Variants in VPS13C observed in about 807,000 individuals in gnomAD.
VPS13C encodes vacuolar protein sorting 13 homolog C, also known as intermembrane lipid transfer protein VPS13C.
Under a neutral mutation model 456.8 loss-of-function variants are expected in VPS13C, and 358 were observed. That is an observed-to-expected ratio of 0.78 (90% confidence interval 0.72 to 0.86). The LOEUF (loss-of-function observed/expected upper bound fraction) is 0.86, where lower values mean the gene tolerates loss of function less well. Among genes scored for constraint, VPS13C ranks in the 40% least tolerant of loss-of-function variants. The pLI is 0.00. For synonymous variants in VPS13C, 1,578 were observed against 1,486.7 expected (o/e 1.06, Z -1.41); for missense variants, 4,818 against 4,385.4 (o/e 1.10, Z -2.79).
chr15:61,932,337 T>C (rs933924460), intron 49 of VPS13C, among the ~76,000 whole-genome samples: 1 of 152,026 alleles, frequency 6.6e-6, no homozygotes, highest in African/African-American at 2.4e-5. Flanking sequence ...GGACATAGGA[T>C]ACAGGGTGAT....
chr15:61,973,269 G>A (rs1327683696), intron 26 of VPS13C, among the ~76,000 whole-genome samples, 185 bp downstream of exon 26: 1 of 152,024 alleles, frequency 6.6e-6, no homozygotes, highest in Non-Finnish European at 1.5e-5. Context: ...TTTGTCCAAC[G>A]AAGACAGAAA....
chr15:62,020,274 T>A (rs753359648), intron 9 of VPS13C, among the ~76,000 whole-genome samples: 1 of 151,978 alleles, frequency 6.6e-6, no homozygotes, highest in Non-Finnish European at 1.5e-5. Context: ...TTTTGATACC[T>A]GTTACACAGA....
intron 15 of VPS13C, among the ~76,000 whole-genome samples, chr15:62,004,112 T>C (rs892541332): frequency 6.6e-6 from 1 of 151,946 alleles, no homozygotes; most frequent in Non-Finnish European, 1.5e-5. Context: ...CTCCTCCTTG[T>C]ACCTCTGGTA....
intron 81 of VPS13C, chr15:61,866,561 C>T: frequency 1.0e-6 from 1 of 985,054 alleles, no homozygotes; most frequent in African/African-American, 1.7e-5. Context: ...TGATTTAAGT[C>T]AGCATCTTGA....
chr15:62,000,515 C>T (rs375669379), intron 16 of VPS13C, 49 bp downstream of exon 16: 61 of 1,511,500 alleles, frequency 4.0e-5, no homozygotes, highest in East Asian at 2.3e-4. Flanking sequence ...GGTTTAAAAG[C>T]GGGCATTAAC....
At chr15:61,951,047 T>C (rs1208680131) in intron 39 of VPS13C, 23 bp from the exon 40 acceptor site, 2 of 1,456,426 alleles carry the variant, frequency 1.4e-6, no homozygotes, top group Non-Finnish European at 1.9e-6. Flanking sequence ...AAAGACAAAG[T>C]TGATCCATCA....
Position 61,978,733 on chromosome 15 carries a change from T to G in VPS13C, c.2183A>C (p.Gln728Pro). 1 of 1,603,204 alleles carries G rather than the reference T, an allele frequency of 6.2e-7. No individual in the cohort carries two copies. The highest frequency in any genetic ancestry group is 8.5e-7 in the Non-Finnish European group (1 of 1,176,430). ...FGTFQLNSKD[Q>P]GLQKTTNSSL... Reference sequence around the variant, plus strand: ...TGAATTAGTAGTCTTCTGTAAACCTTGATCTTTACTGTTGAGCTAAAATGA... The same window carrying G: ...TGAATTAGTAGTCTTCTGTAAACCTGGATCTTTACTGTTGAGCTAAAATGA... Residue 728 changes from glutamine to proline, a missense_variant, in exon 23 of 85, where the codon CAA (glutamine) becomes CCA (proline). Gln to Pro is a moderately conservative substitution (Grantham distance 76). Coordinates refer to ENST00000644861, the MANE Select transcript of VPS13C (RefSeq NM_020821.3).
In VPS13C at chr15:61,927,096, T is replaced by G. The variant is rs1163789802; in HGVS notation, c.6511A>C (p.Thr2171Pro). 1 of 1,613,696 alleles carries G rather than the reference T, an allele frequency of 6.2e-7. No individual in the cohort carries two copies. The highest frequency in any genetic ancestry group is 2.2e-5 in the East Asian group (1 of 44,900). ...FLREKRGKNITTVLQPCSLFM... is the reference protein window; with the variant it reads ...FLREKRGKNIPTVLQPCSLFM... ...GGACACAAGGTAATTCTTACTGTGG[T>G]AATGTTTTTCCCTCTCTTTTCTCTG... The change falls in exon 52 of 85, where the codon ACC becomes CCC. Residue 2171 changes from threonine (T) to proline (P), a missense_variant. Transcript: ENST00000644861.
At chr15:61,857,413 G>T (rs914112403) in intron 82 of VPS13C, among the ~76,000 whole-genome samples, 2 of 152,012 alleles carry the variant, frequency 1.3e-5, no homozygotes, top group African/African-American at 4.8e-5. Flanking sequence ...GACAAAAGGA[G>T]GAACACACTG....
intron 65 of VPS13C, 87 bp from the exon 66 acceptor site, chr15:61,907,477 A>G: frequency 6.7e-7 from 1 of 1,493,766 alleles, no homozygotes; most frequent in Non-Finnish European, 9.0e-7. Context: ...GGATTAGCAC[A>G]GAAGTCCTAC....
chr15:61,934,225 G>A lies in VPS13C; in HGVS notation c.5862C>T (p.Ile1954=). 1 of 1,564,972 alleles carries A rather than the reference G, an allele frequency of 6.4e-7. No individual in the cohort carries two copies. Among genetic ancestry groups the A allele is most frequent in the East Asian group, 2.3e-5 (1 of 43,442 alleles). Reference sequence around the variant, plus strand: ...ACAGAAATGTATTACATACCTGGTTGATATCATTGTTATAAAGGATAATGG... The same window carrying A: ...ACAGAAATGTATTACATACCTGGTTAATATCATTGTTATAAAGGATAATGG... ...SLSIILYNND[I]NQESGVAFHN... Residue 1954 remains isoleucine, a synonymous_variant, in exon 49 of 85, where the codon ATC becomes ATT. Transcript: ENST00000644861.
At position 61,915,949 on chromosome 15, in the gene VPS13C, A is replaced by T; in HGVS notation, c.8129T>A (p.Ile2710Lys). 6.2e-7 allele frequency: 1 copy of T among 1,613,826 alleles called. No individual in the cohort carries two copies. ...GTATTTCACCAGGACTAATTCCATT[A>T]TTTCACCACTGATTCTCGAATGCAG... is the stretch of plus-strand genomic sequence containing the variant. The part of the protein sequence containing the change: ...DVLHSRISGE[I>K]MELVLVKYQG... The change falls in exon 61 of 85, where the codon ATA becomes AAA. Residue 2710 changes from isoleucine (I) to lysine (K), a missense_variant. Physicochemically the swap from Ile to Lys is moderately radical, Grantham distance 102. This residue lies in a region of VPS13C where 4,552 missense variants were observed against 4,130.6 expected (regional missense o/e 1.10). Transcript: ENST00000644861.
intron 9 of VPS13C, among the ~76,000 whole-genome samples, chr15:62,015,410 T>C (rs902921785): frequency 6.6e-6 from 1 of 152,074 alleles, no homozygotes; most frequent in Admixed American, 6.6e-5. Context: ...TTTGGTGTTT[T>C]GGACATGAAG....
At chr15:62,000,119 TGA>T (rs1440193667) in intron 16 of VPS13C, among the ~76,000 whole-genome samples, 1 of 152,090 alleles carries the variant, frequency 6.6e-6, no homozygotes, top group Non-Finnish European at 1.5e-5. Context: ...CCCAGCACTT[TGA>T]GAGGCCGAGG....
At chr15:62,048,481 A>G (rs1230019559) in intron 1 of VPS13C, among the ~76,000 whole-genome samples, 5 of 151,892 alleles carry the variant, frequency 3.3e-5, no homozygotes, top group African/African-American at 1.2e-4. Context: ...TATGTGCCAC[A>G]TTTTCTTAAT....
intron 76 of VPS13C, among the ~76,000 whole-genome samples, chr15:61,875,264 T>TA (rs988442678): frequency 6.6e-6 from 1 of 152,080 alleles, no homozygotes; most frequent in African/African-American, 2.4e-5. Flanking sequence ...GATGCAGTGA[T>TA]AACAAGAGTA....
intron 16 of VPS13C, among the ~76,000 whole-genome samples, chr15:61,994,828 T>A (rs558751924): frequency 1.7e-4 from 26 of 152,220 alleles, no homozygotes; most frequent in Non-Finnish European, 3.4e-4. Context: ...GACCTCGTGA[T>A]CTGCCCATCT....
intron 81 of VPS13C, chr15:61,865,950 A>T (rs1894557203): frequency 1.0e-6 from 1 of 983,514 alleles, no homozygotes; most frequent in African/African-American, 1.7e-5. Flanking sequence ...AGATCCCCAA[A>T]TAAATTATTT....
chr15:62,010,854 A>G (rs2047014370), intron 12 of VPS13C, among the ~76,000 whole-genome samples: 1 of 152,196 alleles, frequency 6.6e-6, no homozygotes, highest in East Asian at 1.9e-4. Flanking sequence ...TGTATAAAAG[A>G]GACAGACAAT....
Sources: allele counts gnomAD v4.1 joint callset (sites outside exome capture counted in the v4.1 genomes callset), GRCh38; gene constraint gnomAD v4.1.1; regional missense constraint gnomAD v4.1.1; transcripts MANE v1.5; gene names NCBI Gene and HGNC (gene_info 2026-07-23, HGNC 2026-07-21).